Variants in IL1RAPL1 observed in about 807,000 individuals in gnomAD.
The protein encoded by IL1RAPL1 is interleukin-1 receptor accessory protein-like 1.
IL1RAPL1 carries 3 observed loss-of-function variants against 48.4 expected under a neutral mutation model. That is an observed-to-expected ratio of 0.06 (90% CI 0.03 to 0.16). IL1RAPL1 has a LOEUF of 0.16. Ranked by LOEUF, IL1RAPL1 falls within the 10% of genes least tolerant of loss-of-function variation. The pLI, the probability that IL1RAPL1 is intolerant of heterozygous loss-of-function variation, is 1.00. For missense variants in IL1RAPL1, 349 were observed against 530.6 expected (o/e 0.66, Z 3.36); for synonymous variants, 185 against 187.7 (o/e 0.99, Z 0.12).
intron 5 of IL1RAPL1, among the ~76,000 whole-genome samples, chrX:29,471,746 T>C (rs1195103489): frequency 3.6e-5 from 4 of 111,559 alleles, no homozygotes; most frequent in African/African-American, 1.3e-4. Context: ...ACGAATCTAC[T>C]TTCTGTCTCT....
At chrX:28,630,464 C>G (rs1934386894) in intron 1 of IL1RAPL1, among the ~76,000 whole-genome samples, 1 of 111,433 alleles carries the variant, frequency 9.0e-6, no homozygotes, top group Non-Finnish European at 1.9e-5. Flanking sequence ...CACAAATTCA[C>G]AAGACTCCAT....
intron 5 of IL1RAPL1, among the ~76,000 whole-genome samples, chrX:29,549,401 C>T (rs1569336329): frequency 9.0e-6 from 1 of 111,350 alleles, no homozygotes; most frequent in Non-Finnish European, 1.9e-5. Flanking sequence ...CCTCAAAGCA[C>T]AAGTACAGTG....
Position 29,319,364 on chromosome X carries a change from A to ATTTTTTTTTTTTTTTTTTTTTTTTTT in IL1RAPL1, c.362+36167_362+36168insTTTTTTTTTTTTTTTTTTTTTTTTTT, listed in dbSNP as rs762918998. ...ACCCCACTGCATGTAGATAAATTTA[A>ATTTTTTTTTTTTTTTTTTTTTTTTTT]TTTTTTTTTTTTTTTTTTTTGTAGA... On this transcript the variant is annotated intron_variant, in intron 3 of 10. Coordinates refer to ENST00000378993, the MANE Select transcript of IL1RAPL1 (RefSeq NM_014271.4). Among the ~76,000 whole-genome samples, 8 of 58,137 alleles carry ATTTTTTTTTTTTTTTTTTTTTTTTTT rather than the reference A, an allele frequency of 1.4e-4. 2 individuals are homozygous for ATTTTTTTTTTTTTTTTTTTTTTTTTT. Among genetic ancestry groups the ATTTTTTTTTTTTTTTTTTTTTTTTTT allele is most frequent in the African/African-American group, 1.5e-4 (2 of 13,678 alleles). The allele number at this position is 58,137 out of a possible 115,157, so 50.5% of individuals were successfully genotyped here.
intron 1 of IL1RAPL1, among the ~76,000 whole-genome samples, chrX:28,785,043 C>T (rs1936460867): frequency 8.9e-6 from 1 of 111,824 alleles, no homozygotes. Flanking sequence ...TAGTTTCCAC[C>T]TTGGACTCTT....
At chrX:29,226,444 C>CTTTT (rs57929074) in intron 2 of IL1RAPL1, among the ~76,000 whole-genome samples, 2 of 86,887 alleles carry the variant, frequency 2.3e-5, no homozygotes, top group Non-Finnish European at 2.2e-5. Flanking sequence ...TTCTTTCTTT[C>CTTTT]TTTTTTTTTT....
chrX:28,773,914 C>G (rs1936335144), intron 1 of IL1RAPL1, among the ~76,000 whole-genome samples: 1 of 112,023 alleles, frequency 8.9e-6, no homozygotes, highest in African/African-American at 3.2e-5. Flanking sequence ...TTCTGTTCCT[C>G]GCAAAATGTC....
At chrX:29,184,154 T>C (rs1930204628) in intron 2 of IL1RAPL1, among the ~76,000 whole-genome samples, 1 of 111,917 alleles carries the variant, frequency 8.9e-6, no homozygotes, top group African/African-American at 3.3e-5. Flanking sequence ...ATATTTCTAT[T>C]ATAAAATATA....
chrX:29,855,361 C>T (rs923008747), intron 6 of IL1RAPL1, among the ~76,000 whole-genome samples: 1 of 112,189 alleles, frequency 8.9e-6, no homozygotes, highest in Non-Finnish European at 1.9e-5. Flanking sequence ...CGCATGCGTG[C>T]ACACAGAACG....
chrX:28,825,301 C>T (rs1286729990), intron 2 of IL1RAPL1, among the ~76,000 whole-genome samples: 1 of 111,365 alleles, frequency 9.0e-6, no homozygotes, highest in Non-Finnish European at 1.9e-5. Context: ...GTCATCTCAG[C>T]AGGCATTTTG....
At chrX:29,732,488 A>G (rs1254644269) in intron 6 of IL1RAPL1, among the ~76,000 whole-genome samples, 3 of 111,250 alleles carry the variant, frequency 2.7e-5, no homozygotes, top group Non-Finnish European at 3.8e-5. Context: ...AACTCATGGC[A>G]CCTCCCTTTG....
intron 3 of IL1RAPL1, among the ~76,000 whole-genome samples, chrX:29,372,148 G>T (rs898839542): frequency 8.9e-6 from 1 of 111,827 alleles, no homozygotes; most frequent in African/African-American, 3.3e-5. Context: ...TTTCATTGTG[G>T]CTTTGATTTG....
intron 2 of IL1RAPL1, among the ~76,000 whole-genome samples, chrX:28,983,330 TC>T (rs1444261742): frequency 8.9e-6 from 1 of 111,993 alleles, no homozygotes. Context: ...TTTTATCTCT[TC>T]CCCTTTCCCA....
At chrX:29,315,886 T>C (rs1932768743) in intron 3 of IL1RAPL1, among the ~76,000 whole-genome samples, 1 of 111,507 alleles carries the variant, frequency 9.0e-6, no homozygotes, top group Admixed American at 9.6e-5. Flanking sequence ...AAGACAGAAG[T>C]AGATGTTGGG....
chrX:29,233,006 C>A (rs1420423289), intron 2 of IL1RAPL1, among the ~76,000 whole-genome samples: 1 of 110,764 alleles, frequency 9.0e-6, no homozygotes. Flanking sequence ...ACCATGTTGG[C>A]CAGGCTGGTC....
intron 1 of IL1RAPL1, among the ~76,000 whole-genome samples, chrX:28,746,325 A>G (rs763950016): frequency 3.3e-4 from 37 of 111,909 alleles, no homozygotes; most frequent in Non-Finnish European, 3.4e-4. Context: ...GGACAAAATG[A>G]AAGTAAATTC....
intron 2 of IL1RAPL1, among the ~76,000 whole-genome samples, chrX:29,273,676 G>A (rs903357674): frequency 9.0e-6 from 1 of 111,687 alleles, no homozygotes; most frequent in Non-Finnish European, 1.9e-5. Flanking sequence ...GCACCAGTGG[G>A]GGCAGGGTTG....
At chrX:29,512,047 G>A (rs547204235) in intron 5 of IL1RAPL1, among the ~76,000 whole-genome samples, 293 of 110,070 alleles carry the variant, frequency 2.7e-3, no homozygotes, top group Middle Eastern at 0.024. Flanking sequence ...ACAACATTTC[G>A]GGGGTTACAT....
chrX:28,732,243 A>G (rs1260237246), intron 1 of IL1RAPL1, among the ~76,000 whole-genome samples: 1 of 112,299 alleles, frequency 8.9e-6, no homozygotes, highest in African/African-American at 3.2e-5. Context: ...CATGTGCAAT[A>G]ACATTTCCTC....
chrX:28,906,026 G>C (rs1352512074), intron 2 of IL1RAPL1, among the ~76,000 whole-genome samples: 1 of 112,157 alleles, frequency 8.9e-6, no homozygotes, highest in African/African-American at 3.2e-5. Flanking sequence ...GGCTGCGGAG[G>C]CCTCAGGAAA....
Sources: gnomAD v4.1 joint callset for allele counts (sites outside exome capture counted in the v4.1 genomes callset) on GRCh38, gnomAD v4.1.1 for gene constraint, MANE v1.5 for transcripts, NCBI Gene and HGNC (gene_info 2026-07-23, HGNC 2026-07-21) for gene names.